The following ALDH1A2 variants were observed in gnomAD, a reference collection of about 807,000 sequenced individuals.
ALDH1A2 encodes the protein aldehyde dehydrogenase 1 family member A2.
A neutral mutation model predicts 60.3 loss-of-function variants in ALDH1A2; 27 were observed. The observed-to-expected ratio is 0.45, with a 90% CI of 0.33 to 0.62. The LOEUF (loss-of-function observed/expected upper bound fraction) is 0.62. Ranked by LOEUF, ALDH1A2 falls within the 20% of genes least tolerant of loss-of-function variation. ALDH1A2 has a pLI of 0.02. For missense variants in ALDH1A2, 581 were observed against 643.8 expected (o/e 0.90, Z 1.06); for synonymous variants, 289 against 232.4 (o/e 1.24, Z -2.21).
chr15:58,016,763 G>GA (rs1236283547), intron 1 of ALDH1A2, among the ~76,000 whole-genome samples: 197 of 150,934 alleles, frequency 1.3e-3, no homozygotes, highest in African/African-American at 4.1e-3. Flanking sequence ...CTAAAATAAG[G>GA]AAAAAAAAAT....
intron 1 of ALDH1A2, among the ~76,000 whole-genome samples, chr15:58,027,310 A>C (rs1305988468): frequency 1.3e-5 from 2 of 152,224 alleles, no homozygotes; most frequent in African/African-American, 4.8e-5. Flanking sequence ...CCTGACTGTT[A>C]GAAGGAAAAC....
At chr15:58,039,969 T>C (rs1308546494) in intron 1 of ALDH1A2, among the ~76,000 whole-genome samples, 1 of 151,900 alleles carries the variant, frequency 6.6e-6, no homozygotes, top group East Asian at 1.9e-4. Context: ...CCCCCTGCCC[T>C]TGAAATAAGT....
At chr15:57,986,728 G>C (rs997104793) in intron 7 of ALDH1A2, among the ~76,000 whole-genome samples, 1 of 151,988 alleles carries the variant, frequency 6.6e-6, no homozygotes, top group African/African-American at 2.4e-5. Context: ...GCTGGAGTGC[G>C]GTGGTGTGAT....
At chr15:57,983,319 A>G (rs1894578662) in intron 7 of ALDH1A2, among the ~76,000 whole-genome samples, 1 of 152,186 alleles carries the variant, frequency 6.6e-6, no homozygotes. Context: ...ATCAAATAAC[A>G]CATTGTGAGT....
chr15:57,965,374 GA>G (rs1488411927), intron 8 of ALDH1A2, among the ~76,000 whole-genome samples: 1 of 152,196 alleles, frequency 6.6e-6, no homozygotes, highest in Non-Finnish European at 1.5e-5. Flanking sequence ...AGGCACAGTT[GA>G]AAAGTTACAG....
rs78183320 is a variant in ALDH1A2 at position 58,014,726 on chromosome 15, T to TA, written c.118-446dup. On this transcript the variant is annotated intron_variant, in intron 1 of 12. Transcript: ENST00000249750. ...CAAGGAAACTTGAATGGTGCTGCAA[T>TA]AAGCATTCACCTAATTTATACTCAG... 6.2e-4 allele frequency among the ~76,000 whole-genome samples: 95 copies of TA among 152,382 alleles called. 1 individual carries two copies. The East Asian group carries it at 0.018, about 28-fold the overall frequency.
At chr15:58,065,488 G>A (rs1566966086) in intron 1 of ALDH1A2, 46 bp downstream of exon 1, 2 of 1,494,218 alleles carry the variant, frequency 1.3e-6, no homozygotes, top group Non-Finnish European at 1.9e-6. Context: ...ACCGAAGAAG[G>A]TTCTAGAAAG....
At chr15:57,985,592 G>A (rs1264777947) in intron 7 of ALDH1A2, among the ~76,000 whole-genome samples, 3 of 152,082 alleles carry the variant, frequency 2.0e-5, no homozygotes, top group Non-Finnish European at 4.4e-5. Context: ...TTTAAAGCAG[G>A]GGAGGGTTCT....
In ALDH1A2 at chr15:57,960,808, G is replaced by T; in HGVS notation, c.1446C>A (p.Pro482=). The T allele has an allele frequency of 6.2e-7, 1 of 1,613,982 alleles. No homozygotes were observed. Among genetic ancestry groups the T allele is most frequent in the South Asian group, 1.1e-5 (1 of 91,066 alleles). ...NCYNALNAQS[P]FGGFKMSGNG... ...TTCCAGACATCTTGAATCCCCCAAAGGGGCTCTGGGCATTTAAGGCATTGT... is the reference window on the plus strand; with the variant it reads ...TTCCAGACATCTTGAATCCCCCAAATGGGCTCTGGGCATTTAAGGCATTGT... Residue 482 remains proline, a synonymous_variant, in exon 12 of 13, where the codon CCC becomes CCA. Transcript: ENST00000249750.
chr15:58,036,889 T>C (rs922122317), intron 1 of ALDH1A2, among the ~76,000 whole-genome samples: 2 of 151,656 alleles, frequency 1.3e-5, no homozygotes, highest in African/African-American at 4.8e-5. Context: ...AATTAGGAAG[T>C]ATGACCTGGA....
intron 1 of ALDH1A2, among the ~76,000 whole-genome samples, chr15:58,043,601 C>T (rs367725721): frequency 1.5e-4 from 23 of 152,034 alleles, no homozygotes; most frequent in African/African-American, 4.8e-4. Flanking sequence ...TATTTTAACA[C>T]ACAATGAATA....
chr15:57,991,794 T>C (rs1027470075), intron 7 of ALDH1A2, among the ~76,000 whole-genome samples: 1 of 152,210 alleles, frequency 6.6e-6, no homozygotes. Flanking sequence ...TTCTATTAGA[T>C]AGCACTGTTC....
chr15:57,955,127 G>T lies in ALDH1A2; in HGVS notation c.*70C>A, dbSNP rs1566925767. 1 of 1,463,832 alleles carries T rather than the reference G, an allele frequency of 6.8e-7. No homozygotes were observed. The allele number at this position is 1,463,832 out of a possible 1,614,324, so 90.7% of individuals were successfully genotyped here. A position where few individuals can be genotyped will look rare whatever the true frequency, so the allele number is the denominator to read the frequency against. On this transcript the variant is annotated 3_prime_UTR_variant, in exon 13 of 13. Coordinates refer to ENST00000249750, the MANE Select transcript of ALDH1A2 (RefSeq NM_003888.4). ...GTGGCTCAACTTTGTATTCCTGAGAGCTGGGCCCTACAGAGAAAGCAGAGA... is the reference window on the plus strand; with the variant it reads ...GTGGCTCAACTTTGTATTCCTGAGATCTGGGCCCTACAGAGAAAGCAGAGA...
intron 4 of ALDH1A2, 77 bp from the exon 5 acceptor site, chr15:57,995,216 GCAAA>G: frequency 7.1e-6 from 2 of 283,660 alleles, no homozygotes; most frequent in South Asian, 8.1e-5. Context: ...TTTGGTGGCT[GCAAA>G]AAAAAAAAAA....
intron 1 of ALDH1A2, among the ~76,000 whole-genome samples, chr15:58,058,570 CTTT>C (rs1261355760): frequency 6.7e-6 from 1 of 149,202 alleles, no homozygotes; most frequent in African/African-American, 2.5e-5. Context: ...TAAAATATAA[CTTT>C]TTAATATTTT....
At chr15:58,035,205 A>G (rs933289398) in intron 1 of ALDH1A2, among the ~76,000 whole-genome samples, 1 of 151,614 alleles carries the variant, frequency 6.6e-6, no homozygotes, top group Non-Finnish European at 1.5e-5. Context: ...GAATTGGCCC[A>G]TTTCACCTAA....
At chr15:58,015,104 A>T (rs1223561047) in intron 1 of ALDH1A2, among the ~76,000 whole-genome samples, 1 of 152,196 alleles carries the variant, frequency 6.6e-6, no homozygotes, top group African/African-American at 2.4e-5. Flanking sequence ...CTAAACTAAT[A>T]TTTTTAGACC....
At chr15:57,977,368 G>T (rs1422612096) in intron 7 of ALDH1A2, among the ~76,000 whole-genome samples, 8 of 152,056 alleles carry the variant, frequency 5.3e-5, no homozygotes, top group African/African-American at 1.9e-4. Context: ...GGATTTTTAT[G>T]GTTTTAGTTC....
intron 8 of ALDH1A2, chr15:57,964,298 G>A (rs1893825718): frequency 3.7e-6 from 2 of 547,424 alleles, no homozygotes; most frequent in Admixed American, 6.2e-5. Context: ...GCAAACAGAG[G>A]TACTGAACCT....
Sources: allele counts gnomAD v4.1 joint callset (sites outside exome capture counted in the v4.1 genomes callset), GRCh38; gene constraint gnomAD v4.1.1; transcripts MANE v1.5; gene names NCBI Gene and HGNC (gene_info 2026-07-23, HGNC 2026-07-21).